The following DCUN1D4 variants were observed in gnomAD, a reference collection of about 807,000 sequenced individuals.
DCUN1D4 encodes the protein DCN1-like protein 4.
Under a neutral mutation model 47.9 loss-of-function variants are expected in DCUN1D4, and 22 were observed. The ratio of observed to expected loss-of-function variants is 0.46; its 90% CI spans 0.33 to 0.66. DCUN1D4 has a LOEUF of 0.66. Among genes scored for constraint, DCUN1D4 ranks in the 30% least tolerant of loss-of-function variants. DCUN1D4 has a pLI of 0.02. For synonymous variants in DCUN1D4, 121 were observed against 112.2 expected, an observed-to-expected ratio of 1.08 and a Z score of -0.50; for missense variants, 301 against 340.8, an observed-to-expected ratio of 0.88 and a Z score of 0.92.
At chr4:51,848,025 A>G (rs1722814920) in intron 1 of DCUN1D4, among the ~76,000 whole-genome samples, 1 of 152,234 alleles carries the variant, frequency 6.6e-6, no homozygotes, top group South Asian at 2.1e-4. Context: ...TTGAACTTAA[A>G]TGATCAACTA....
intron 9 of DCUN1D4, among the ~76,000 whole-genome samples, chr4:51,912,850 A>G (rs571598992): frequency 1.3e-5 from 2 of 152,354 alleles, no homozygotes; most frequent in South Asian, 4.1e-4. Context: ...AGTGCTGGTT[A>G]TGTCAGGGGT....
upstream of DCUN1D4, among the ~76,000 whole-genome samples, chr4:51,842,457 A>G (rs1402709175): frequency 1.3e-5 from 2 of 152,234 alleles, no homozygotes; most frequent in African/African-American, 4.8e-5. Context: ...GAAAAGAAGT[A>G]CATTTCGAAA....
At chr4:51,843,647 C>T (rs1721960716) in intron 1 of DCUN1D4, 1 of 795,000 alleles carries the variant, frequency 1.3e-6, no homozygotes, top group African/African-American at 2.5e-5. Context: ...GGGGTGGCAC[C>T]GGCGGGGAGA....
chr4:51,851,437 G>A (rs1241250674), intron 1 of DCUN1D4, among the ~76,000 whole-genome samples: 2 of 152,142 alleles, frequency 1.3e-5, no homozygotes, highest in Non-Finnish European at 2.9e-5. Context: ...GGGGTCAGGT[G>A]GGAGCTTTCC....
intron 3 of DCUN1D4, among the ~76,000 whole-genome samples, chr4:51,863,950 A>C (rs1725494912): frequency 6.6e-6 from 1 of 152,230 alleles, no homozygotes; most frequent in Admixed American, 6.5e-5. Flanking sequence ...CATAGTTTCA[A>C]GATACCTTGT....
chr4:51,878,011 C>T, intron 5 of DCUN1D4, 157 bp downstream of exon 5: 1 of 414,410 alleles, frequency 2.4e-6, no homozygotes, highest in Admixed American at 4.1e-5. Flanking sequence ...TGTAACAAAT[C>T]ACCAGATAGC....
chr4:51,891,938 T>C, intron 7 of DCUN1D4, 87 bp downstream of exon 7: 1 of 1,020,994 alleles, frequency 9.8e-7, no homozygotes, highest in Non-Finnish European at 1.5e-6. Flanking sequence ...GGTGATTGAG[T>C]GAGTGGAAGG....
chr4:51,883,835 G>T (rs1729063586), intron 5 of DCUN1D4, among the ~76,000 whole-genome samples: 1 of 152,018 alleles, frequency 6.6e-6, no homozygotes, highest in South Asian at 2.1e-4. Context: ...GAGTAGGGAG[G>T]AGTTAGAGGG....
intron 5 of DCUN1D4, among the ~76,000 whole-genome samples, chr4:51,879,517 G>T (rs1728199292): frequency 6.6e-6 from 1 of 152,200 alleles, no homozygotes; most frequent in African/African-American, 2.4e-5. Context: ...TGAGGCAGGA[G>T]AATCACTCGA....
chr4:51,850,305 T>G (rs1038625417), intron 1 of DCUN1D4, among the ~76,000 whole-genome samples: 1 of 152,212 alleles, frequency 6.6e-6, no homozygotes, highest in Non-Finnish European at 1.5e-5. Flanking sequence ...GTTAGATGAC[T>G]TGTTCTGGTG....
At chr4:51,848,632 C>G (rs1029708260) in intron 1 of DCUN1D4, among the ~76,000 whole-genome samples, 1 of 152,262 alleles carries the variant, frequency 6.6e-6, no homozygotes, top group East Asian at 1.9e-4. Context: ...AGAAGTACCT[C>G]TTGAGAAGTA....
intron 3 of DCUN1D4, chr4:51,865,012 A>G (rs1725680993): frequency 5.2e-6 from 1 of 193,508 alleles, no homozygotes; most frequent in South Asian, 1.2e-4. Context: ...CTTTAAGAAA[A>G]AGGTATGATT....
chr4:51,886,618 A>G lies in DCUN1D4; in HGVS notation c.394A>G (p.Ile132Val), dbSNP rs764577748. 9 of 1,613,926 alleles carry G rather than the reference A, an allele frequency of 5.6e-6. No homozygotes were observed. The highest frequency in any genetic ancestry group is 7.6e-6 in the Non-Finnish European group (9 of 1,179,952). The change falls in exon 6 of 11, where the codon ATT (isoleucine) becomes GTT (valine). Residue 132 changes from isoleucine to valine, a missense_variant. This residue lies in a region of DCUN1D4 where 170 missense variants were observed against 234.5 expected (regional missense o/e 0.73). Coordinates refer to ENST00000334635, the MANE Select transcript of DCUN1D4 (RefSeq NM_001040402.3). ...AGGCATGGAGAAATTTTGTGAAGAC[A>G]TTGGTGTTGAACCAGAAAACGTGAG... The part of the protein sequence containing the change: ...PEGMEKFCED[I>V]GVEPENVVML...
chr4:51,855,072 A>G (rs764134959), intron 1 of DCUN1D4, among the ~76,000 whole-genome samples: 2 of 152,204 alleles, frequency 1.3e-5, no homozygotes, highest in African/African-American at 4.8e-5. Context: ...GGAAGTCCCT[A>G]TCCTCATGGA....
chr4:51,894,363 A>G (rs1267907802), intron 7 of DCUN1D4, among the ~76,000 whole-genome samples: 1 of 152,050 alleles, frequency 6.6e-6, no homozygotes, highest in Non-Finnish European at 1.5e-5. Context: ...AAGTTTAAGA[A>G]CCTCTGCCTA....
At chr4:51,864,334 T>C (rs916828345) in intron 3 of DCUN1D4, among the ~76,000 whole-genome samples, 2 of 152,208 alleles carry the variant, frequency 1.3e-5, no homozygotes, top group Non-Finnish European at 2.9e-5. Flanking sequence ...ACCACTTCTC[T>C]CAACTGTTAG....
intron 5 of DCUN1D4, 149 bp from the exon 6 acceptor site, chr4:51,886,419 G>A (rs1729482242): frequency 1.8e-6 from 1 of 562,192 alleles, no homozygotes; most frequent in Admixed American, 3.5e-5. Context: ...ACTGAAATTC[G>A]AGAATACTTT....
At chr4:51,836,426 C>T in the DCUN1D4 span, among the ~76,000 whole-genome samples, 1 of 152,132 alleles carries the variant, frequency 6.6e-6, no homozygotes, top group Non-Finnish European at 1.5e-5. Context: ...TGTGTGCGTG[C>T]CTGCAGATGA....
chr4:51,845,138 C>T, intron 1 of DCUN1D4: 2 of 985,462 alleles, frequency 2.0e-6, no homozygotes, highest in Non-Finnish European at 2.4e-6. Context: ...TAAGAAGCAA[C>T]ACAATGTAAA....
Sources: gnomAD v4.1 joint callset for allele counts (sites outside exome capture counted in the v4.1 genomes callset) on GRCh38, gnomAD v4.1.1 for gene constraint, gnomAD v4.1.1 regional missense constraint, MANE v1.5 for transcripts, NCBI Gene and HGNC (gene_info 2026-07-23, HGNC 2026-07-21) for gene names.